Variants in UTRN observed in about 807,000 individuals in gnomAD.
UTRN encodes the protein dystrophin-related protein 1.
Under a neutral mutation model 463.9 loss-of-function variants are expected in UTRN, and 283 were observed. The ratio of observed to expected loss-of-function variants is 0.61; its 90% CI spans 0.55 to 0.67. The LOEUF (loss-of-function observed/expected upper bound fraction) is 0.67. Among genes scored for constraint, UTRN ranks in the 30% least tolerant of loss-of-function variants. The pLI is 0.00. For synonymous variants in UTRN, 1,442 were observed against 1,431.5 expected (o/e 1.01, Z -0.17); for missense variants, 3,922 against 4,084.3 (o/e 0.96, Z 1.08).
chr6:144,336,303 G>T (rs1357641663), intron 2 of UTRN, among the ~76,000 whole-genome samples: 1 of 152,174 alleles, frequency 6.6e-6, no homozygotes, highest in African/African-American at 2.4e-5. Context: ...CTGAATGACA[G>T]TAAACAACCT....
intron 2 of UTRN, among the ~76,000 whole-genome samples, chr6:144,326,566 T>A (rs1318751425): frequency 6.6e-6 from 1 of 152,206 alleles, no homozygotes; most frequent in East Asian, 1.9e-4. Flanking sequence ...TTTACACTTG[T>A]GGTATATTTA....
At chr6:144,679,775 A>C (rs1475136367) in intron 52 of UTRN, among the ~76,000 whole-genome samples, 1 of 152,130 alleles carries the variant, frequency 6.6e-6, no homozygotes, top group Non-Finnish European at 1.5e-5. Flanking sequence ...AAATGAATTA[A>C]AATTTTTTTT....
chr6:144,492,000 T>C (rs1315952808), intron 32 of UTRN, among the ~76,000 whole-genome samples: 1 of 152,136 alleles, frequency 6.6e-6, no homozygotes, highest in Non-Finnish European at 1.5e-5. Flanking sequence ...TCTTTTTTTA[T>C]ATTTAAATTT....
intron 51 of UTRN, among the ~76,000 whole-genome samples, chr6:144,675,065 C>A (rs1279178382): frequency 1.3e-5 from 2 of 152,034 alleles, no homozygotes; most frequent in Admixed American, 1.3e-4. Flanking sequence ...TTTTTAGTTC[C>A]CCTTCTCATT....
intron 2 of UTRN, among the ~76,000 whole-genome samples, chr6:144,348,752 T>C (rs1007362003): frequency 6.6e-6 from 1 of 152,006 alleles, no homozygotes; most frequent in Admixed American, 6.5e-5. Flanking sequence ...CTGACCAACA[T>C]GGAGAAACCC....
At chr6:144,728,625 A>G (rs1562826950) in intron 53 of UTRN, among the ~76,000 whole-genome samples, 1 of 135,486 alleles carries the variant, frequency 7.4e-6, no homozygotes, top group Non-Finnish European at 1.5e-5. Flanking sequence ...TTGCTGTGTG[A>G]ATTTAGTTGA....
intron 4 of UTRN, among the ~76,000 whole-genome samples, chr6:144,422,852 C>A (rs1005215144): frequency 1.3e-5 from 2 of 152,338 alleles, no homozygotes; most frequent in African/African-American, 4.8e-5. Flanking sequence ...AGATGAATTT[C>A]TTTCTTGCAG....
At chr6:144,512,905 T>C (rs1795299544) in intron 35 of UTRN, among the ~76,000 whole-genome samples, 1 of 152,228 alleles carries the variant, frequency 6.6e-6, no homozygotes, top group Non-Finnish European at 1.5e-5. Context: ...GTAAAAACTT[T>C]TACTGTCTAA....
chr6:144,463,514 A>G (rs1407263155), intron 23 of UTRN, among the ~76,000 whole-genome samples: 1 of 152,144 alleles, frequency 6.6e-6, no homozygotes, highest in Non-Finnish European at 1.5e-5. Flanking sequence ...CAGAGTTTCC[A>G]GGTCACCTGG....
intron 50 of UTRN, among the ~76,000 whole-genome samples, chr6:144,569,583 A>G (rs975223617): frequency 2.6e-5 from 4 of 152,098 alleles, no homozygotes; most frequent in Non-Finnish European, 5.9e-5. Flanking sequence ...TGTTATTCCT[A>G]TTGCTGTATA....
At chr6:144,806,584 A>G (rs1475225568) in intron 65 of UTRN, among the ~76,000 whole-genome samples, 1 of 102,146 alleles carries the variant, frequency 9.8e-6, no homozygotes, top group Non-Finnish European at 2.2e-5. Context: ...ATGTCTTTCC[A>G]TTCATTCTCT....
In UTRN at chr6:144,525,865, G is replaced by A. The variant is rs552297391; in HGVS notation, c.5906+2677G>A. The stretch of plus-strand genomic sequence containing the variant: ...GTACCGCTTTTGCCATATCCCAAAA[G>A]TTTTGATAGGTTGCGTCACTATTAT... On this transcript the variant is annotated intron_variant, in intron 41 of 74. Coordinates refer to ENST00000367545, the MANE Select transcript of UTRN (RefSeq NM_007124.3). 8.5e-5 allele frequency among the ~76,000 whole-genome samples: 13 copies of A among 152,104 alleles called. No individual in the cohort carries two copies. In the South Asian group the frequency reaches 2.3e-3, roughly 27 times the overall value.
intron 51 of UTRN, among the ~76,000 whole-genome samples, chr6:144,626,110 AT>A (rs1775915929): frequency 6.6e-6 from 1 of 152,218 alleles, no homozygotes; most frequent in Admixed American, 6.5e-5. Flanking sequence ...TTGTATAGTT[AT>A]TAATTAAAAA....
At chr6:144,780,775 T>C (rs973965268) in intron 60 of UTRN, among the ~76,000 whole-genome samples, 5 of 152,232 alleles carry the variant, frequency 3.3e-5, no homozygotes, top group Non-Finnish European at 5.9e-5. Flanking sequence ...ACACCACTCG[T>C]GTGTAAGTCA....
At chr6:144,647,792 C>T (rs535434008) in intron 51 of UTRN, among the ~76,000 whole-genome samples, 1 of 152,232 alleles carries the variant, frequency 6.6e-6, no homozygotes, top group Admixed American at 6.5e-5. Flanking sequence ...GTATCAACAA[C>T]TTTCACACAT....
At chr6:144,522,937 A>G (rs1796236993) in intron 40 of UTRN, 79 bp from the exon 41 acceptor site, 26 of 1,112,390 alleles carry the variant, frequency 2.3e-5, no homozygotes, top group East Asian at 7.7e-5. Flanking sequence ...GTGTTCTACA[A>G]TATAAATATC....
intron 72 of UTRN, 50 bp downstream of exon 72, chr6:144,839,334 G>T: frequency 6.8e-7 from 1 of 1,478,214 alleles, no homozygotes; most frequent in Non-Finnish European, 9.3e-7. Flanking sequence ...TTTGTGCTTT[G>T]CCATTAGTTT....
intron 3 of UTRN, among the ~76,000 whole-genome samples, chr6:144,404,348 T>A (rs1035655485): frequency 6.6e-6 from 1 of 152,222 alleles, no homozygotes; most frequent in African/African-American, 2.4e-5. Flanking sequence ...AATTTTAGTT[T>A]GTTTTATTCC....
intron 19 of UTRN, among the ~76,000 whole-genome samples, chr6:144,455,319 T>TG (rs1788710727): frequency 6.6e-6 from 1 of 152,230 alleles, no homozygotes; most frequent in Admixed American, 6.5e-5. Flanking sequence ...GTCCTTCCTG[T>TG]GGGCATCCCA....
Sources: allele counts gnomAD v4.1 joint callset (sites outside exome capture counted in the v4.1 genomes callset), GRCh38; gene constraint gnomAD v4.1.1; transcripts MANE v1.5; gene names NCBI Gene and HGNC (gene_info 2026-07-23, HGNC 2026-07-21).